SLC24A3: variants seen among roughly 807,000 people sequenced by gnomAD.
The protein encoded by SLC24A3 is sodium/potassium/calcium exchanger 3.
SLC24A3 carries 28 observed loss-of-function variants against 75.8 expected under a neutral mutation model. The observed-to-expected ratio is 0.37, with a 90% CI of 0.27 to 0.51. SLC24A3 has a LOEUF of 0.51. Ranked by LOEUF, SLC24A3 falls within the 20% of genes least tolerant of loss-of-function variation. The pLI, the probability that SLC24A3 is intolerant of heterozygous loss-of-function variation, is 0.94. For synonymous variants in SLC24A3, 372 were observed against 334.1 expected (o/e 1.11, Z -1.24); for missense variants, 663 against 847.8 (o/e 0.78, Z 2.71).
At chr20:19,344,524 G>T (rs1348600446) in intron 2 of SLC24A3, among the ~76,000 whole-genome samples, 1 of 152,154 alleles carries the variant, frequency 6.6e-6, no homozygotes, top group Non-Finnish European at 1.5e-5. Flanking sequence ...ACAGGCAAGG[G>T]CAGGAAGCCA....
chr20:19,631,959 C>A (rs570882796), intron 6 of SLC24A3, among the ~76,000 whole-genome samples: 33 of 152,208 alleles, frequency 2.2e-4, no homozygotes, highest in South Asian at 4.1e-4. Context: ...GCCTCTGTTT[C>A]CTTCTCTAGA....
chr20:19,604,678 G>A (rs1156446873), intron 6 of SLC24A3, among the ~76,000 whole-genome samples: 1 of 152,148 alleles, frequency 6.6e-6, no homozygotes, highest in Non-Finnish European at 1.5e-5. Flanking sequence ...ACCAAGCATT[G>A]CTAACACGAC....
intron 2 of SLC24A3, among the ~76,000 whole-genome samples, chr20:19,388,516 C>T (rs1045541909): frequency 6.6e-6 from 1 of 152,108 alleles, no homozygotes; most frequent in African/African-American, 2.4e-5. Context: ...TGAAGACCAT[C>T]CTGGCTAACA....
Position 19,621,488 on chromosome 20 carries a change from T to C in SLC24A3, c.613-32574T>C, listed in dbSNP as rs148939941. Among the ~76,000 whole-genome samples the C allele has an allele frequency of 1.9e-3, 283 of 152,332 alleles. 2 individuals are homozygous for C. Among genetic ancestry groups the C allele is most frequent in the African/African-American group, 6.6e-3 (274 of 41,578 alleles). On this transcript the variant is annotated intron_variant, in intron 6 of 16. Coordinates refer to ENST00000328041, the MANE Select transcript of SLC24A3 (RefSeq NM_020689.4). ...CCTCTTGACCCTCTTGGTTAGAGTG[T>C]GTTGGTTCTCATCCCCTCGGGAATT...
intron 1 of SLC24A3, among the ~76,000 whole-genome samples, chr20:19,261,244 C>T (rs564400181): frequency 1.3e-5 from 2 of 152,330 alleles, no homozygotes; most frequent in Admixed American, 1.3e-4. Flanking sequence ...GACTGACAGG[C>T]TGTCCTGATG....
At chr20:19,325,004 G>A (rs1034985829) in intron 2 of SLC24A3, among the ~76,000 whole-genome samples, 5 of 147,210 alleles carry the variant, frequency 3.4e-5, no homozygotes, top group East Asian at 2.0e-4. Context: ...GTGAATGGAC[G>A]GTAGATGGTA....
chr20:19,326,798 C>T (rs1984874243), intron 2 of SLC24A3, among the ~76,000 whole-genome samples: 1 of 152,010 alleles, frequency 6.6e-6, no homozygotes. Flanking sequence ...GCCTAGGCTT[C>T]CCTCAAGCTC....
At chr20:19,502,107 T>TA (rs1475103701) in intron 2 of SLC24A3, among the ~76,000 whole-genome samples, 2 of 152,110 alleles carry the variant, frequency 1.3e-5, no homozygotes, top group African/African-American at 2.4e-5. Flanking sequence ...CCATAGCAGT[T>TA]AGCTTTTCTC....
At chr20:19,376,105 G>T (rs1290236074) in intron 2 of SLC24A3, among the ~76,000 whole-genome samples, 3 of 152,200 alleles carry the variant, frequency 2.0e-5, no homozygotes, top group Non-Finnish European at 2.9e-5. Context: ...GTGTGTGTTT[G>T]TGTGTGGGGG....
intron 2 of SLC24A3, among the ~76,000 whole-genome samples, chr20:19,455,735 G>A (rs1184271562): frequency 1.3e-5 from 2 of 152,158 alleles, no homozygotes; most frequent in South Asian, 2.1e-4. Context: ...GGCCACCTTC[G>A]GGGCTCTGTC....
rs561754004 is a variant in SLC24A3, at chr20:19,637,896, A to G, written c.613-16166A>G. On this transcript the variant is annotated intron_variant, in intron 6 of 16. Transcript: ENST00000328041. Reference sequence around the variant, plus strand: ...AGTAGTCCTAATAATTATAACTATCAAATAGATTAGGAGTATAAGAGAATG... The same window carrying G: ...AGTAGTCCTAATAATTATAACTATCGAATAGATTAGGAGTATAAGAGAATG... Among the ~76,000 whole-genome samples, 44 of 152,370 alleles carry G rather than the reference A, an allele frequency of 2.9e-4. 3 individuals are homozygous for G. In the East Asian group the frequency reaches 6.4e-3, roughly 22 times the overall value.
intron 2 of SLC24A3, among the ~76,000 whole-genome samples, chr20:19,395,055 CAA>C (rs1225978220): frequency 5.9e-5 from 9 of 152,118 alleles, no homozygotes; most frequent in African/African-American, 1.9e-4. Flanking sequence ...AATTCTGGCA[CAA>C]GTTACAATAT....
intron 3 of SLC24A3, among the ~76,000 whole-genome samples, chr20:19,530,544 C>A (rs971954018): frequency 2.0e-5 from 3 of 152,140 alleles, no homozygotes; most frequent in Non-Finnish European, 2.9e-5. Context: ...TGTCACTTGC[C>A]CTTCAGGGTT....
intron 2 of SLC24A3, among the ~76,000 whole-genome samples, chr20:19,358,883 G>A (rs1283092396): frequency 6.6e-6 from 1 of 152,118 alleles, no homozygotes; most frequent in East Asian, 1.9e-4. Flanking sequence ...ATGGCTTTTT[G>A]TGTCTGGCTT....
intron 1 of SLC24A3, among the ~76,000 whole-genome samples, chr20:19,249,201 A>G (rs1982579620): frequency 6.6e-6 from 1 of 152,086 alleles, no homozygotes; most frequent in African/African-American, 2.4e-5. Context: ...TTGAGAACCA[A>G]AGTGTTTTAT....
intron 2 of SLC24A3, among the ~76,000 whole-genome samples, chr20:19,459,592 T>G (rs544290809): frequency 6.6e-6 from 1 of 152,244 alleles, no homozygotes; most frequent in Non-Finnish European, 1.5e-5. Flanking sequence ...AGAACCTTCA[T>G]ACTATGGAAC....
chr20:19,265,492 G>C (rs886282085), intron 1 of SLC24A3, among the ~76,000 whole-genome samples: 1 of 152,164 alleles, frequency 6.6e-6, no homozygotes, highest in Non-Finnish European at 1.5e-5. Context: ...GGTTCTGTTT[G>C]GGATTTCAAC....
At chr20:19,644,929 C>G (rs2032117771) in intron 6 of SLC24A3, among the ~76,000 whole-genome samples, 1 of 152,166 alleles carries the variant, frequency 6.6e-6, no homozygotes, top group African/African-American at 2.4e-5. Flanking sequence ...GCACTTTTAT[C>G]TAGCATTTGG....
chr20:19,508,315 T>G (rs1988489518), intron 2 of SLC24A3, among the ~76,000 whole-genome samples: 1 of 152,140 alleles, frequency 6.6e-6, no homozygotes, highest in Admixed American at 6.5e-5. Context: ...TGCATGGGTA[T>G]TTTGTCATGA....
Sources: allele counts gnomAD v4.1 joint callset (sites outside exome capture counted in the v4.1 genomes callset), GRCh38; gene constraint gnomAD v4.1.1; transcripts MANE v1.5; gene names NCBI Gene and HGNC (gene_info 2026-07-23, HGNC 2026-07-21).